Variants in ECT2 observed in about 807,000 individuals in gnomAD.
ECT2 encodes epithelial cell transforming 2, also known as protein ECT2.
ECT2 carries 61 observed loss-of-function variants against 116.9 expected under a neutral mutation model. That is an observed-to-expected ratio of 0.52 (90% CI 0.42 to 0.65). The LOEUF is 0.65. Ranked by LOEUF, ECT2 falls within the 30% of genes least tolerant of loss-of-function variation. ECT2 has a pLI of 0.00. For synonymous variants in ECT2, 358 were observed against 346.4 expected (o/e 1.03, Z -0.37); for missense variants, 937 against 1,078.7 (o/e 0.87, Z 1.84).
intron 17 of ECT2, among the ~76,000 whole-genome samples, 154 bp downstream of exon 17, chr3:172,784,957 A>C (rs1723351219): frequency 6.6e-6 from 1 of 152,176 alleles, no homozygotes; most frequent in Non-Finnish European, 1.5e-5. Flanking sequence ...AAAAATAGTT[A>C]CTGGTGCTAC....
At chr3:172,806,402 A>G (rs1727715657) in intron 21 of ECT2, among the ~76,000 whole-genome samples, 1 of 152,192 alleles carries the variant, frequency 6.6e-6, no homozygotes, top group Non-Finnish European at 1.5e-5. Context: ...GTAGTGTTAC[A>G]GAGCAGGTTC....
intron 18 of ECT2, among the ~76,000 whole-genome samples, chr3:172,792,451 C>CT (rs34510739): frequency 0.16 from 22,971 of 143,258 alleles, 1,979 homozygotes; most frequent in African/African-American, 0.21. Flanking sequence ...TTTTATCTGG[C>CT]TTTTTTTTTT....
At chr3:172,827,175 A>G in the ECT2 span, among the ~76,000 whole-genome samples, 1 of 152,228 alleles carries the variant, frequency 6.6e-6, no homozygotes, top group East Asian at 1.9e-4. Flanking sequence ...ACCCTTGTAT[A>G]TTGTTGATGG....
chr3:172,828,946 T>A, the ECT2 span: 2 of 1,447,654 alleles, frequency 1.4e-6, no homozygotes, highest in South Asian at 1.2e-5. Context: ...CCACACCAAC[T>A]GTGGCTGCCT....
intron 20 of ECT2, among the ~76,000 whole-genome samples, chr3:172,803,676 A>C: frequency 6.6e-6 from 1 of 152,216 alleles, no homozygotes; most frequent in Admixed American, 6.5e-5. Context: ...CATTAATAAG[A>C]TGACTCATTT....
chr3:172,767,811 A>G (rs1719805527), intron 12 of ECT2, among the ~76,000 whole-genome samples: 1 of 151,542 alleles, frequency 6.6e-6, no homozygotes, highest in African/African-American at 2.4e-5. Flanking sequence ...GGCTCACTGC[A>G]ACCTCCACCT....
At chr3:172,803,799 T>C (rs554913438) in intron 20 of ECT2, among the ~76,000 whole-genome samples, 1 of 151,450 alleles carries the variant, frequency 6.6e-6, no homozygotes, top group African/African-American at 2.4e-5. Context: ...TGTTTCTGTT[T>C]CTTTTCGTTT....
At chr3:172,754,118 T>C (rs1716470944) in intron 1 of ECT2, among the ~76,000 whole-genome samples, 1 of 152,070 alleles carries the variant, frequency 6.6e-6, no homozygotes, top group South Asian at 2.1e-4. Context: ...TTAGGATAGA[T>C]CTCAGATTTT....
intron 18 of ECT2, 108 bp from the exon 19 acceptor site, chr3:172,802,508 C>G: frequency 3.0e-6 from 2 of 656,138 alleles, no homozygotes; most frequent in East Asian, 3.0e-5. Context: ...TTAACTGATT[C>G]ACTTATCAAA....
intron 18 of ECT2, among the ~76,000 whole-genome samples, chr3:172,797,038 G>GTGTGTGTT (rs1310167909): frequency 6.7e-6 from 1 of 150,054 alleles, no homozygotes; most frequent in Non-Finnish European, 1.5e-5. Context: ...GTGTGTGTGT[G>GTGTGTGTT]TGTGTGTGTG....
rs780010313 is a variant in ECT2, at chr3:172,807,824, T to G, written c.2300T>G (p.Val767Gly). The change falls in exon 22 of 25, where the codon GTG becomes GGG. Residue 767 changes from valine to glycine, a missense_variant. Transcript: ENST00000392692. ...LVRPPTEQAN[V>G]LLSFQMTSDE... ...AGGCCACCAACAGAGCAGGCAAATG[T>G]GCTACTCAGTTTCCAGATGACATCA... 6.2e-7 allele frequency: 1 copy of G among 1,613,980 alleles called. No homozygotes were observed. The highest frequency in any genetic ancestry group is 8.5e-7 in the Non-Finnish European group (1 of 1,179,868).
intron 20 of ECT2, among the ~76,000 whole-genome samples, chr3:172,805,265 T>C (rs1017783181): frequency 6.6e-6 from 1 of 151,852 alleles, no homozygotes; most frequent in Non-Finnish European, 1.5e-5. Context: ...TATCTGTATT[T>C]TAAGGGTTTT....
downstream of ECT2, among the ~76,000 whole-genome samples, chr3:172,824,567 G>A (rs976477989): frequency 1.3e-5 from 2 of 152,096 alleles, no homozygotes; most frequent in African/African-American, 2.4e-5. Context: ...AGATTTGGGC[G>A]GGGACACAGA....
rs1730343761 is a variant in ECT2 at position 172,819,399 on chromosome 3, T to A, written c.2656-749T>A. On this transcript the variant is annotated intron_variant, in intron 24 of 24. Transcript: ENST00000392692. Reference sequence around the variant, plus strand: ...GTTATTTGTTAGAGTTGTTTTATTTTAAAATTTTTAAGACTTCTCAGGGAT... The same window carrying A: ...GTTATTTGTTAGAGTTGTTTTATTTAAAAATTTTTAAGACTTCTCAGGGAT... 2.0e-5 allele frequency among the ~76,000 whole-genome samples: 3 copies of A among 152,250 alleles called. 1 individual carries two copies. The highest frequency in any genetic ancestry group is 4.1e-4 in the South Asian group (2 of 4,834).
Position 172,759,043 on chromosome 3 carries a change from A to G in ECT2, c.550A>G (p.Thr184Ala), listed in dbSNP as rs1262166144. ...TATGATGAATCTAGTACTATGCTTT[A>G]CTGGATTTAGGAAAAAAGAAGAACT... is the stretch of plus-strand genomic sequence containing the variant. ...TSMMNLVLCFTGFRKKEELVR... is the reference protein window; with the variant it reads ...TSMMNLVLCFAGFRKKEELVR... Residue 184 changes from threonine (T) to alanine (A), a missense_variant, in exon 6 of 25, where the codon ACT becomes GCT. By Grantham distance (58) the Thr-to-Ala change is moderately conservative (BLOSUM62 0). Coordinates refer to ENST00000392692, the MANE Select transcript of ECT2 (RefSeq NM_001258315.2). 3.2e-5 allele frequency: 52 copies of G among 1,606,012 alleles called. No homozygotes were observed. Among genetic ancestry groups the G allele is most frequent in the Non-Finnish European group, 4.2e-5 (50 of 1,177,622 alleles).
At chr3:172,814,436 G>C (rs1289245928) in intron 22 of ECT2, among the ~76,000 whole-genome samples, 1 of 151,914 alleles carries the variant, frequency 6.6e-6, no homozygotes, top group Admixed American at 6.6e-5. Context: ...ACCACAGAAT[G>C]AATAGTCTTA....
rs1487063191 is a variant in ECT2, at chr3:172,754,579, G to A, written c.49G>A (p.Ala17Thr). ...LTSTTGRTSL[A>T]DSSIFDSKVT... ...ATCCACTACTGGGAGGACTAGCTTGGCAGACTCTTCCATTTTTGATTCTAA... is the reference window on the plus strand; with the variant it reads ...ATCCACTACTGGGAGGACTAGCTTGACAGACTCTTCCATTTTTGATTCTAA... The change falls in exon 2 of 25, where the codon GCA becomes ACA. Residue 17 changes from alanine to threonine, a missense_variant. Ala to Thr is a moderately conservative substitution (Grantham distance 58). Transcript: ENST00000392692. 6.2e-7 allele frequency: 1 copy of A among 1,611,712 alleles called. No individual in the cohort carries two copies. The highest frequency in any genetic ancestry group is 8.5e-7 in the Non-Finnish European group (1 of 1,178,720).
intron 18 of ECT2, among the ~76,000 whole-genome samples, chr3:172,797,708 T>G (rs1725986478): frequency 6.6e-6 from 1 of 152,210 alleles, no homozygotes; most frequent in African/African-American, 2.4e-5. Context: ...TTTCTTTGCC[T>G]TTTTGATAAC....
In ECT2 at chr3:172,764,585, A is replaced by G. The variant is rs536426049; in HGVS notation, c.1291+85A>G. The G allele has an allele frequency of 7.4e-5, 91 of 1,230,262 alleles. 2 individuals are homozygous for G. The South Asian group carries it at 9.7e-4, about 13-fold the overall frequency. The allele number at this position is 1,230,262 out of a possible 1,614,324, so 76.2% of individuals were successfully genotyped here. On this transcript the variant is annotated intron_variant, in intron 12 of 24. Transcript: ENST00000392692. The stretch of plus-strand genomic sequence containing the variant: ...ATTTAGATAAATCCCTGATATAGTG[A>G]ATATGGAAGTCTTTGCCTTTAATTA...
Sources: gnomAD v4.1 joint callset for allele counts (sites outside exome capture counted in the v4.1 genomes callset) on GRCh38, gnomAD v4.1.1 for gene constraint, MANE v1.5 for transcripts, NCBI Gene and HGNC (gene_info 2026-07-23, HGNC 2026-07-21) for gene names.